The following RFTN2 variants were observed in gnomAD, a reference collection of about 807,000 sequenced individuals.
RFTN2 encodes the protein raftlin-2.
In RFTN2, 34 loss-of-function variants were observed where a neutral mutation model predicts 52.7. That is an observed-to-expected ratio of 0.64 (90% CI 0.49 to 0.86). The LOEUF is 0.86. Ranked by LOEUF, RFTN2 falls within the 40% of genes least tolerant of loss-of-function variation. The pLI is 0.00. For missense variants in RFTN2, 536 were observed against 600.1 expected (o/e 0.89, Z 1.12); for synonymous variants, 203 against 217.7 (o/e 0.93, Z 0.59).
intron 7 of RFTN2, among the ~76,000 whole-genome samples, chr2:197,611,002 G>A (rs190957230): frequency 3.2e-4 from 49 of 152,280 alleles, no homozygotes; most frequent in Middle Eastern, 3.4e-3. Context: ...ATGTGCTGCT[G>A]GATTCGGTTT....
chr2:197,613,393 T>C (rs1309091068), intron 7 of RFTN2, among the ~76,000 whole-genome samples: 1 of 152,226 alleles, frequency 6.6e-6, no homozygotes, highest in Non-Finnish European at 1.5e-5. Flanking sequence ...TTAGATGACT[T>C]GCCCAAATCA....
intron 5 of RFTN2, among the ~76,000 whole-genome samples, chr2:197,629,506 G>A (rs537466360): frequency 1.5e-4 from 23 of 152,008 alleles, no homozygotes; most frequent in African/African-American, 5.1e-4. Context: ...ATGACGATTT[G>A]ATGGGTGCGG....
chr2:197,657,075 G>A (rs2088905007), intron 1 of RFTN2, among the ~76,000 whole-genome samples: 1 of 151,998 alleles, frequency 6.6e-6, no homozygotes, highest in Admixed American at 6.6e-5. Flanking sequence ...ATTTGGCCAG[G>A]CTTGTACTGA....
intron 3 of RFTN2, among the ~76,000 whole-genome samples, chr2:197,639,740 C>T (rs1195595956): frequency 2.1e-5 from 3 of 140,276 alleles, no homozygotes; most frequent in Non-Finnish European, 4.6e-5. Flanking sequence ...TCTCTCAGCT[C>T]GTCAAAGTCA....
At position 197,571,892 on chromosome 2, in the gene RFTN2, T is replaced by G. The variant is rs181966252; in HGVS notation, c.*116A>C. Reference sequence around the variant, plus strand: ...AGTTTACATAGATTAGAGGAAAGGCTGGGTCTGGAAAAATTCAAAAATATT... The same window carrying G: ...AGTTTACATAGATTAGAGGAAAGGCGGGGTCTGGAAAAATTCAAAAATATT... On this transcript the variant is annotated 3_prime_UTR_variant, in exon 9 of 9. Coordinates refer to ENST00000295049, the MANE Select transcript of RFTN2 (RefSeq NM_144629.3). The G allele has an allele frequency of 5.7e-5, 58 of 1,024,502 alleles. No homozygotes were observed. The highest frequency in any genetic ancestry group is 8.2e-5 in the Non-Finnish European group (57 of 696,046). 63.5% of individuals were successfully genotyped at this position (1,024,502 alleles called of 1,614,324 possible).
intron 1 of RFTN2, among the ~76,000 whole-genome samples, chr2:197,653,381 C>A (rs1327281912): frequency 6.6e-6 from 1 of 152,100 alleles, no homozygotes; most frequent in Non-Finnish European, 1.5e-5. Flanking sequence ...AGGAACAGGG[C>A]ACCATCTGGA....
chr2:197,587,500 G>A (rs1461577351), intron 8 of RFTN2, among the ~76,000 whole-genome samples: 1 of 151,910 alleles, frequency 6.6e-6, no homozygotes, highest in African/African-American at 2.4e-5. Flanking sequence ...TGGCTCAGAA[G>A]TTCCCCCACT....
chr2:197,640,388 C>T (rs1446413181), intron 3 of RFTN2, among the ~76,000 whole-genome samples: 24 of 152,332 alleles, frequency 1.6e-4, no homozygotes, highest in Non-Finnish European at 2.4e-4. Context: ...ATCAGCGAGA[C>T]TCCGTGGGCG....
chr2:197,642,150 AAAT>A (rs2088683982), intron 3 of RFTN2, among the ~76,000 whole-genome samples: 1 of 152,200 alleles, frequency 6.6e-6, no homozygotes, highest in African/African-American at 2.4e-5. Context: ...CCTAAATGGG[AAAT>A]AATCATTAGC....
At chr2:197,645,524 T>C (rs1199538969) in intron 2 of RFTN2, among the ~76,000 whole-genome samples, 1 of 152,236 alleles carries the variant, frequency 6.6e-6, no homozygotes, top group Non-Finnish European at 1.5e-5. Flanking sequence ...TTATTCTTAA[T>C]TGGAAAGAAC....
At chr2:197,597,471 T>G (rs989441740) in intron 7 of RFTN2, among the ~76,000 whole-genome samples, 1 of 152,174 alleles carries the variant, frequency 6.6e-6, no homozygotes, top group Non-Finnish European at 1.5e-5. Flanking sequence ...TAGTACCTAA[T>G]AGCTGACGCC....
Position 197,571,990 on chromosome 2 carries a change from T to C in RFTN2, c.*18A>G, listed in dbSNP as rs1263948193. The C allele has an allele frequency of 6.2e-7, 1 of 1,607,294 alleles. No individual in the cohort carries two copies. The highest frequency in any genetic ancestry group is 1.1e-5 in the South Asian group (1 of 90,976). The stretch of plus-strand genomic sequence containing the variant: ...TTAACAATTATTTACAGGGCCTTCC[T>C]TTGCTTCACCTCATGGCTCACATAC... On this transcript the variant is annotated 3_prime_UTR_variant, in exon 9 of 9. Coordinates refer to ENST00000295049, the MANE Select transcript of RFTN2 (RefSeq NM_144629.3).
intron 1 of RFTN2, among the ~76,000 whole-genome samples, chr2:197,661,771 C>T (rs545685864): frequency 1.3e-5 from 2 of 152,146 alleles, no homozygotes; most frequent in Non-Finnish European, 2.9e-5. Context: ...TATAAGAGTT[C>T]CCTTTTCTCT....
At chr2:197,629,675 T>TACACACACACACACACACACACACACAC (rs60384360) in intron 5 of RFTN2, among the ~76,000 whole-genome samples, 1 of 146,514 alleles carries the variant, frequency 6.8e-6, no homozygotes, top group African/African-American at 2.6e-5. Context: ...TTAATTTTTA[T>TACACACACACACACACACACACACACAC]ACACACACAC....
In RFTN2 at chr2:197,631,083, C is replaced by A. The variant is rs774490441; in HGVS notation, c.856G>T (p.Glu286Ter). 9 of 1,613,346 alleles carry A rather than the reference C, an allele frequency of 5.6e-6. No homozygotes were observed. In the Admixed American group the frequency reaches 1.3e-4, roughly 24 times the overall value. ...TGTTTATAATAAAAGGTAGTTAACT[C>A]CAGCCAATCAGCATCAAGTGTACTA... is the stretch of plus-strand genomic sequence containing the variant. ...VISTLDADWL[E>*]LTTFYYKQGL... is the part of the protein sequence containing the mutation. The change falls in exon 5 of 9, where the codon GAG (glutamate) becomes TAG (stop). Residue 286 changes from glutamate to a stop codon, truncating the protein, a stop_gained. Coordinates refer to ENST00000295049, the MANE Select transcript of RFTN2 (RefSeq NM_144629.3). LOFTEE classifies it high-confidence loss of function.
At chr2:197,638,784 G>C (rs1338182574) in intron 3 of RFTN2, among the ~76,000 whole-genome samples, 47 of 117,556 alleles carry the variant, frequency 4.0e-4, no homozygotes, top group African/African-American at 1.5e-3. Context: ...CTGTCATTAT[G>C]ATGTTAGCTG....
chr2:197,666,677 A>G (rs1196181390), intron 1 of RFTN2, among the ~76,000 whole-genome samples: 1 of 152,196 alleles, frequency 6.6e-6, no homozygotes, highest in Non-Finnish European at 1.5e-5. Flanking sequence ...CTGAATGTCT[A>G]AATCTTGGGA....
intron 7 of RFTN2, among the ~76,000 whole-genome samples, chr2:197,607,021 A>G (rs1373634517): frequency 6.6e-6 from 1 of 152,258 alleles, no homozygotes; most frequent in African/African-American, 2.4e-5. Context: ...CTATAAAGAC[A>G]CATGCACACG....
chr2:197,661,084 C>T (rs2088970473), intron 1 of RFTN2, among the ~76,000 whole-genome samples: 1 of 152,122 alleles, frequency 6.6e-6, no homozygotes, highest in South Asian at 2.1e-4. Context: ...TCATTTAACT[C>T]TCTACCTGTA....
Sources: allele counts gnomAD v4.1 joint callset (sites outside exome capture counted in the v4.1 genomes callset), GRCh38; gene constraint gnomAD v4.1.1; transcripts MANE v1.5; gene names NCBI Gene and HGNC (gene_info 2026-07-23, HGNC 2026-07-21).